COL27A1: variants seen among roughly 807,000 people sequenced by gnomAD.
COL27A1 encodes the protein collagen alpha-1(XXVII) chain.
In COL27A1, 106 loss-of-function variants were observed where a neutral mutation model predicts 251.3. The ratio of observed to expected loss-of-function variants is 0.42; its 90% CI spans 0.36 to 0.50. The LOEUF (loss-of-function observed/expected upper bound fraction) is 0.50. COL27A1 is among the 20% of genes least tolerant of loss of function. The pLI is 0.00. For missense variants in COL27A1, 2,325 were observed against 2,522.8 expected (o/e 0.92, Z 1.68); for synonymous variants, 1,000 against 986.3 (o/e 1.01, Z -0.26).
intron 23 of COL27A1, among the ~76,000 whole-genome samples, chr9:114,243,905 C>T (rs895752051): frequency 1.0e-4 from 15 of 149,462 alleles, no homozygotes; most frequent in African/African-American, 3.2e-4. Flanking sequence ...TGGGTTGCAC[C>T]GTTTCTGTTT....
chr9:114,178,401 A>C, intron 4 of COL27A1, 57 bp downstream of exon 4: 19 of 1,497,604 alleles, frequency 1.3e-5, no homozygotes, highest in Non-Finnish European at 1.6e-5. Context: ...CCTGCGTCTC[A>C]CTGCCCCTGA....
chr9:114,159,118 A>G (rs142242747), intron 1 of COL27A1, among the ~76,000 whole-genome samples: 50 of 152,282 alleles, frequency 3.3e-4, no homozygotes, highest in African/African-American at 1.2e-3. Context: ...TGTCAGGGAG[A>G]ATGAATGGAG....
rs762017292 is a variant in COL27A1 at position 114,231,887 on chromosome 9, T to C, written c.2565+21T>C. ...ATAAGGTGATCTGAATACTCCCTTATTGCACTGTGGTTTCTCTGCATGCCA... is the reference window on the plus strand; with the variant it reads ...ATAAGGTGATCTGAATACTCCCTTACTGCACTGTGGTTTCTCTGCATGCCA... On this transcript the variant is annotated intron_variant, in intron 16 of 60. Transcript: ENST00000356083. 4.3e-6 allele frequency: 7 copies of C among 1,613,146 alleles called. No individual in the cohort carries two copies. In the African/African-American group the frequency reaches 5.3e-5, roughly 12 times the overall value.
intron 41 of COL27A1, among the ~76,000 whole-genome samples, chr9:114,285,170 T>G (rs1009611090): frequency 6.6e-6 from 1 of 152,098 alleles, no homozygotes; most frequent in African/African-American, 2.4e-5. Context: ...GGGGAGAGGA[T>G]GCTGAGCAGG....
chr9:114,308,332 G>A (rs1474567592), intron 59 of COL27A1, among the ~76,000 whole-genome samples: 4 of 152,176 alleles, frequency 2.6e-5, no homozygotes, highest in South Asian at 2.1e-4. Context: ...TAAGCCTTCC[G>A]AATTTGGGGG....
intron 10 of COL27A1, among the ~76,000 whole-genome samples, chr9:114,207,639 C>T (rs528840348): frequency 6.6e-6 from 1 of 152,186 alleles, no homozygotes; most frequent in Non-Finnish European, 1.5e-5. Context: ...GGTGGGAAGC[C>T]TGGATGAGCA....
At chr9:114,171,573 C>T (rs993492172) in intron 3 of COL27A1, among the ~76,000 whole-genome samples, 4 of 152,184 alleles carry the variant, frequency 2.6e-5, no homozygotes, top group Non-Finnish European at 5.9e-5. Context: ...AATTCATCCT[C>T]CTGCCTCAGC....
chr9:114,187,732 A>G (rs1162888350), intron 5 of COL27A1, among the ~76,000 whole-genome samples: 1 of 152,240 alleles, frequency 6.6e-6, no homozygotes, highest in Non-Finnish European at 1.5e-5. Context: ...GGCATCCATC[A>G]CATATGATTT....
At chr9:114,296,683 T>A (rs1435891189) in intron 49 of COL27A1, among the ~76,000 whole-genome samples, 3 of 152,186 alleles carry the variant, frequency 2.0e-5, no homozygotes, top group African/African-American at 7.2e-5. Context: ...TATTGTATAA[T>A]CAAATCATTC....
At chr9:114,258,671 T>TA in intron 28 of COL27A1, 77 bp downstream of exon 28, 2 of 1,459,838 alleles carry the variant, frequency 1.4e-6, no homozygotes, top group Non-Finnish European at 1.9e-6. Flanking sequence ...TGCCAGAGAC[T>TA]GCCTGGGCTT....
chr9:114,155,967 CGCGG>C lies in COL27A1; in HGVS notation c.19_22del (p.Arg7GlyfsTer22). ...GGGCCTGCCATGGGAGCGGGATCGG[CGCGG>C]GGGGCCCGAGGCACAGCGGCGGCGG... On this transcript the variant is annotated frameshift_variant, in exon 1 of 61. Coordinates refer to ENST00000356083, the MANE Select transcript of COL27A1 (RefSeq NM_032888.4). LOFTEE classifies it high-confidence loss of function. The surrounding 1 kb of genome is among the most constrained non-coding windows in gnomAD (Gnocchi z 5.5). 7.8e-7 allele frequency: 1 copy of C among 1,285,630 alleles called. No individual in the cohort carries two copies. Among genetic ancestry groups the C allele is most frequent in the African/African-American group, 1.5e-5 (1 of 65,760 alleles). 79.6% of individuals were successfully genotyped at this position (1,285,630 alleles called of 1,614,324 possible).
At chr9:114,261,624 G>A (rs545641652) in intron 28 of COL27A1, among the ~76,000 whole-genome samples, 99 of 152,322 alleles carry the variant, frequency 6.5e-4, no homozygotes, top group South Asian at 1.2e-3. Flanking sequence ...CAGATAAGAG[G>A]GATTTTAGAT....
intron 56 of COL27A1, 31 bp downstream of exon 56, chr9:114,302,139 TG>T: frequency 5.6e-6 from 9 of 1,593,570 alleles, no homozygotes; most frequent in Non-Finnish European, 7.7e-6. Flanking sequence ...TTTGCCTACT[TG>T]GGGTAAGGCC....
intron 39 of COL27A1, 88 bp downstream of exon 39, chr9:114,282,652 T>C: frequency 2.5e-6 from 2 of 812,652 alleles, no homozygotes; most frequent in Non-Finnish European, 3.8e-6. Context: ...TTCTCTGTGC[T>C]GTTATCACCC....
At chr9:114,242,119 C>T in intron 21 of COL27A1, 68 bp from the exon 22 acceptor site, 1 of 1,392,824 alleles carries the variant, frequency 7.2e-7, no homozygotes, top group Middle Eastern at 1.8e-4. Flanking sequence ...CCATACAGGA[C>T]AAGATCTCTG....
chr9:114,300,554 G>T (rs956504498), intron 50 of COL27A1, 71 bp from the exon 51 acceptor site: 3 of 1,285,984 alleles, frequency 2.3e-6, no homozygotes, highest in Admixed American at 2.5e-5. Context: ...GACCCCAGGG[G>T]TGAGGGAGCT....
chr9:114,260,625 C>T lies in COL27A1; in HGVS notation c.3195+2031C>T, dbSNP rs550068621. Among the ~76,000 whole-genome samples the T allele has an allele frequency of 3.3e-5, 5 of 152,196 alleles. No homozygotes were observed. The East Asian group carries it at 5.8e-4, about 18-fold the overall frequency. ...GGACGGGCCCTGCTCCCCACCCCAC[C>T]GCCCACCCAAGGAAGAATGAGCACT... is the stretch of plus-strand genomic sequence containing the variant. On this transcript the variant is annotated intron_variant, in intron 28 of 60. Coordinates refer to ENST00000356083, the MANE Select transcript of COL27A1 (RefSeq NM_032888.4).
At chr9:114,178,443 T>C (rs917037490) in intron 4 of COL27A1, 99 bp downstream of exon 4, 1 of 1,079,558 alleles carries the variant, frequency 9.3e-7, no homozygotes, top group Admixed American at 1.7e-5. Flanking sequence ...CCTCAGGTTC[T>C]TCCCTCCCCC....
intron 16 of COL27A1, among the ~76,000 whole-genome samples, chr9:114,232,520 C>T (rs1832037087): frequency 6.6e-6 from 1 of 152,220 alleles, no homozygotes. Context: ...TCCTGCCTAG[C>T]CTCTTCAGAC....
Sources: gnomAD v4.1 joint callset for allele counts (sites outside exome capture counted in the v4.1 genomes callset) on GRCh38, gnomAD v4.1.1 for gene constraint, Gnocchi (gnomAD v3.1) non-coding constraint, MANE v1.5 for transcripts, NCBI Gene and HGNC (gene_info 2026-07-23, HGNC 2026-07-21) for gene names.